Variants in ZSCAN18 observed in about 807,000 individuals in gnomAD.
The protein encoded by ZSCAN18 is zinc finger and SCAN domain-containing protein 18.
In ZSCAN18, 16 loss-of-function variants were observed where a neutral mutation model predicts 31.1. That is an observed-to-expected ratio of 0.51 (90% CI 0.35 to 0.78). The LOEUF is 0.78. Ranked by LOEUF, ZSCAN18 falls within the 30% of genes least tolerant of loss-of-function variation. ZSCAN18 has a pLI of 0.01. For missense variants in ZSCAN18, 731 were observed against 697.4 expected (o/e 1.05, Z -0.54); for synonymous variants, 375 against 320.7 (o/e 1.17, Z -1.81).
At chr19:58,098,330 T>C (rs1031775257), upstream of ZSCAN18, 1 of 985,430 alleles carries the variant, frequency 1.0e-6, no homozygotes, top group South Asian at 4.7e-5. Flanking sequence ...AAGGGAGCCG[T>C]GACAGGTGAC....
At chr19:58,101,496 T>C (rs572161414), upstream of ZSCAN18, among the ~76,000 whole-genome samples, 27 of 139,432 alleles carry the variant, frequency 1.9e-4, no homozygotes, top group Admixed American at 1.1e-3. Context: ...AGTCTTGTGC[T>C]TTCCCATATA....
rs762854309 is a variant in ZSCAN18, at chr19:58,086,993, G to A, written c.658C>T (p.Pro220Ser). ...TCCCCCAGGTGCTGAGGGTCCTCTG[G>A]AAAGGACTTCAGCTTCTGAAACATT... is the stretch of plus-strand genomic sequence containing the variant. The part of the protein sequence containing the change: ...ANTEQKLKSF[P>S]EDPQHLGEWG... Residue 220 changes from proline to serine, a missense_variant, in exon 5 of 7, where the codon CCA becomes TCA. Transcript: ENST00000601144. 6.2e-7 allele frequency: 1 copy of A among 1,612,302 alleles called. No individual in the cohort carries two copies. The highest frequency in any genetic ancestry group is 1.7e-5 in the Admixed American group (1 of 60,002).
chr19:58,094,250 A>AT (rs527570127), intron 1 of ZSCAN18, among the ~76,000 whole-genome samples: 1,906 of 151,502 alleles, frequency 0.013, 50 homozygotes, highest in African/African-American at 0.042. Context: ...ACAAAAAAAA[A>AT]AATAATAATA....
rs192701826 is a variant in ZSCAN18 at position 58,112,719 on chromosome 19, G to A, written c.130+5548C>T. On this transcript the variant is annotated intron_variant, in intron 1 of 1. Transcript: ENST00000595721. ...AATCCCAGCACTTGAGGAGGCCGAGGGGGGCAGATCACCTGAGGTCTGGAG... is the reference window on the plus strand; with the variant it reads ...AATCCCAGCACTTGAGGAGGCCGAGAGGGGCAGATCACCTGAGGTCTGGAG... Among the ~76,000 whole-genome samples the A allele has an allele frequency of 7.1e-3, 1,083 of 151,760 alleles. 9 individuals carry two copies. Among genetic ancestry groups the A allele is most frequent in the Non-Finnish European group, 9.1e-3 (621 of 67,978 alleles).
chr19:58,111,122 C>A (rs1179064625), intron 1 of ZSCAN18, among the ~76,000 whole-genome samples: 1 of 151,842 alleles, frequency 6.6e-6, no homozygotes, highest in Non-Finnish European at 1.5e-5. Context: ...GAGCTGAGAT[C>A]GCGCCACTGC....
At position 58,086,942 on chromosome 19, in the gene ZSCAN18, C is replaced by G; in HGVS notation, c.709G>C (p.Glu237Gln). ...GEWGHLDPAE[E>Q]NLKSYRKLLL... ...AGCTTCCGGTAGCTCTTCAGGTTCT[C>G]CTCGGCAGGGTCCAGGTGGCCCCAC... is the stretch of plus-strand genomic sequence containing the variant. Residue 237 changes from glutamate (E) to glutamine (Q), a missense_variant, in exon 5 of 7, where the codon GAG (glutamate) becomes CAG (glutamine). Physicochemically the swap from Glu to Gln is conservative, Grantham distance 29. Transcript: ENST00000601144. 1 of 1,613,948 alleles carries G rather than the reference C, an allele frequency of 6.2e-7. No individual in the cohort carries two copies. The highest frequency in any genetic ancestry group is 8.5e-7 in the Non-Finnish European group (1 of 1,179,976).
In ZSCAN18 at chr19:58,085,186, G is replaced by T. The variant is rs963516658; in HGVS notation, c.1032C>A (p.Asp344Glu). The change falls in exon 7 of 7, where the codon GAC becomes GAA. Residue 344 changes from aspartate (D) to glutamate (E), a missense_variant. Coordinates refer to ENST00000601144, the MANE Select transcript of ZSCAN18 (RefSeq NM_001145543.2). ...ACTGCCTCTGCGATCCGGTGGCAGA[G>T]TCGGACTCCGCGTCCTGGGGGTCCT... The part of the protein sequence containing the change: ...DPQDPQDAES[D>E]SATGSQRQSV... 6 of 1,610,248 alleles carry T rather than the reference G, an allele frequency of 3.7e-6. No homozygotes were observed. In the African/African-American group the frequency reaches 5.3e-5, roughly 14 times the overall value.
upstream of ZSCAN18, among the ~76,000 whole-genome samples, chr19:58,101,445 G>C (rs975270937): frequency 1.3e-5 from 2 of 149,542 alleles, no homozygotes; most frequent in African/African-American, 4.9e-5. Context: ...CACTGCGCCC[G>C]GCCACTTTTT....
At chr19:58,089,620 G>T (rs527386037) in intron 2 of ZSCAN18, among the ~76,000 whole-genome samples, 1 of 152,204 alleles carries the variant, frequency 6.6e-6, no homozygotes, top group Admixed American at 6.5e-5. Context: ...CTGAGACTCC[G>T]TCTCAAAAAT....
chr19:58,108,569 AT>A, intron 1 of ZSCAN18: 1 of 985,678 alleles, frequency 1.0e-6, no homozygotes, highest in South Asian at 4.7e-5. Context: ...TTAGAGAGGG[AT>A]TTTCCACAGT....
chr19:58,091,306 T>C (rs529133670), intron 1 of ZSCAN18, among the ~76,000 whole-genome samples: 2 of 151,670 alleles, frequency 1.3e-5, no homozygotes, highest in South Asian at 4.2e-4. Context: ...GGATGTCAAT[T>C]TCTAATAACA....
At chr19:58,101,950 T>C (rs777175220), upstream of ZSCAN18, among the ~76,000 whole-genome samples, 2 of 152,100 alleles carry the variant, frequency 1.3e-5, no homozygotes, top group Admixed American at 6.6e-5. Flanking sequence ...GAGTTTCCTA[T>C]ATAGGCCTTC....
upstream of ZSCAN18, among the ~76,000 whole-genome samples, chr19:58,099,562 G>C (rs1328573935): frequency 6.6e-6 from 1 of 152,126 alleles, no homozygotes; most frequent in Non-Finnish European, 1.5e-5. Flanking sequence ...TTCGTGTACA[G>C]ATTTTTCTGT....
At chr19:58,113,836 G>A (rs2074708059) in intron 1 of ZSCAN18, among the ~76,000 whole-genome samples, 1 of 152,064 alleles carries the variant, frequency 6.6e-6, no homozygotes, top group African/African-American at 2.4e-5. Context: ...AAATTAGCCA[G>A]GTGTGGTGGC....
At chr19:58,094,375 C>G (rs1045688436) in intron 1 of ZSCAN18, among the ~76,000 whole-genome samples, 1 of 150,926 alleles carries the variant, frequency 6.6e-6, no homozygotes, top group Non-Finnish European at 1.5e-5. Flanking sequence ...CGCGCCACTG[C>G]ACTCCAGCCT....
Position 58,090,464 on chromosome 19 carries a change from A to T in ZSCAN18, c.-119-78T>A. ...ACCCCAGCTGCCAGAGAACAAAGAC[A>T]CCACACCCAGAGTTCACACAGATTT... On this transcript the variant is annotated intron_variant, in intron 1 of 6. Coordinates refer to ENST00000601144, the MANE Select transcript of ZSCAN18 (RefSeq NM_001145543.2). The surrounding 1 kb of genome is among the most constrained non-coding windows in gnomAD (Gnocchi z 4.7). 2 of 1,321,638 alleles carry T rather than the reference A, an allele frequency of 1.5e-6. No homozygotes were observed. Among genetic ancestry groups the T allele is most frequent in the Middle Eastern group, 2.1e-4 (1 of 4,794 alleles). The allele number at this position is 1,321,638 out of a possible 1,614,324, so 81.9% of individuals were successfully genotyped here.
At chr19:58,108,379 C>T (rs2074652847) in intron 1 of ZSCAN18, 23 of 985,530 alleles carry the variant, frequency 2.3e-5, no homozygotes, top group Non-Finnish European at 2.8e-5. Context: ...AAATGCAAAA[C>T]AAGGGAAGAG....
chr19:58,085,159 G>A lies in ZSCAN18; in HGVS notation c.1059C>T (p.Ser353=), dbSNP rs1369809903. 4 of 1,610,854 alleles carry A rather than the reference G, an allele frequency of 2.5e-6. No homozygotes were observed. Among genetic ancestry groups the A allele is most frequent in the Non-Finnish European group, 3.4e-6 (4 of 1,179,280 alleles). ...SDSATGSQRQ[S]VIQQPAPDRG... is the part of the protein sequence containing the mutation. ...TGTCCGGGGCAGGCTGCTGGATGAC[G>A]GACTGCCTCTGCGATCCGGTGGCAG... is the stretch of plus-strand genomic sequence containing the variant. Residue 353 remains serine (S), a synonymous_variant, in exon 7 of 7, where the codon TCC becomes TCT. Coordinates refer to ENST00000601144, the MANE Select transcript of ZSCAN18 (RefSeq NM_001145543.2).
At chr19:58,118,395 A>G in exon 1 of ZSCAN18, 1 of 1,520,098 alleles carries the variant, frequency 6.6e-7, no homozygotes. Flanking sequence ...GACTCTCCGC[A>G]TGGGCGCGCA....
Sources: allele counts gnomAD v4.1 joint callset (sites outside exome capture counted in the v4.1 genomes callset), GRCh38; gene constraint gnomAD v4.1.1; non-coding constraint Gnocchi (gnomAD v3.1); transcripts MANE v1.5; gene names NCBI Gene and HGNC (gene_info 2026-07-23, HGNC 2026-07-21).